Variants in SLCO5A1 observed in about 807,000 individuals in gnomAD.
SLCO5A1 encodes the protein solute carrier organic anion transporter family member 5A1.
SLCO5A1 carries 39 observed loss-of-function variants against 65.1 expected under a neutral mutation model. The observed-to-expected ratio is 0.60, with a 90% CI of 0.46 to 0.78. The LOEUF (loss-of-function observed/expected upper bound fraction) is 0.78. Ranked by LOEUF, SLCO5A1 falls within the 30% of genes least tolerant of loss-of-function variation. The probability of loss-of-function intolerance (pLI) is 0.00; values close to 1 mark genes in which losing one functional copy is unlikely to be tolerated. For synonymous variants in SLCO5A1, 438 were observed against 415.7 expected (o/e 1.05, Z -0.65); for missense variants, 1,029 against 1,069.4 (o/e 0.96, Z 0.53).
intron 5 of SLCO5A1, among the ~76,000 whole-genome samples, chr8:69,709,756 T>A (rs2933047): frequency 0.6 from 90,852 of 151,560 alleles, 27,400 homozygotes; most frequent in South Asian, 0.72. Context: ...AGAATTTTAA[T>A]TGTGGCCAAG....
chr8:69,705,093 G>T lies in SLCO5A1; in HGVS notation c.1560C>A (p.Thr520=). 6.2e-7 allele frequency: 1 copy of T among 1,613,998 alleles called. No individual in the cohort carries two copies. The highest frequency in any genetic ancestry group is 8.5e-7 in the Non-Finnish European group (1 of 1,180,026). The change falls in exon 6 of 10, where the codon ACC becomes ACA. Residue 520 remains threonine (T), a synonymous_variant. Coordinates refer to ENST00000260126, the MANE Select transcript of SLCO5A1 (RefSeq NM_030958.3). ...CSGVSLLCFS[T]LFIVGCESIN... is the part of the protein sequence containing the mutation. ...TGCTTTCACATCCAACAATAAATAG[G>T]GTTGAAAAACATAGTAAAGACACAC...
chr8:69,814,551 C>T (rs768064296), intron 2 of SLCO5A1, among the ~76,000 whole-genome samples: 24 of 152,116 alleles, frequency 1.6e-4, no homozygotes, highest in Non-Finnish European at 3.2e-4. Context: ...TTGTACACTG[C>T]TAATGGAATG....
intron 9 of SLCO5A1, among the ~76,000 whole-genome samples, chr8:69,675,467 C>T (rs934612961): frequency 4.6e-5 from 7 of 152,128 alleles, no homozygotes; most frequent in Middle Eastern, 3.2e-3. Context: ...TTAGCCACTG[C>T]ACCCGGCCTA....
At chr8:69,780,251 C>T (rs1388836953) in intron 2 of SLCO5A1, among the ~76,000 whole-genome samples, 3 of 152,106 alleles carry the variant, frequency 2.0e-5, no homozygotes, top group East Asian at 3.9e-4. Flanking sequence ...GGAGATTTCT[C>T]AAAGAATTAA....
intron 5 of SLCO5A1, among the ~76,000 whole-genome samples, chr8:69,724,361 G>A (rs903232690): frequency 2.0e-5 from 3 of 152,140 alleles, no homozygotes; most frequent in Non-Finnish European, 4.4e-5. Context: ...TAAGGGAAGT[G>A]TGCACCTACA....
At position 69,755,486 on chromosome 8, in the gene SLCO5A1, G is replaced by A. The variant is rs756049926; in HGVS notation, c.1196C>T (p.Ser399Leu). The change falls in exon 4 of 10, where the codon TCA becomes TTA. Residue 399 changes from serine (S) to leucine (L), a missense_variant. Coordinates refer to ENST00000260126, the MANE Select transcript of SLCO5A1 (RefSeq NM_030958.3). The part of the protein sequence containing the change: ...VSDDDVLKEK[S>L]NNSEQADKKV... ...TTTGTCCGCTTGTTCACTGTTGTTT[G>A]ATTTCTCCTTCAGAACATCGTCATC... is the stretch of plus-strand genomic sequence containing the variant. 15 of 1,613,870 alleles carry A rather than the reference G, an allele frequency of 9.3e-6. No individual in the cohort carries two copies. Among genetic ancestry groups the A allele is most frequent in the Non-Finnish European group, 3.4e-6 (4 of 1,179,984 alleles).
At chr8:69,737,810 C>A (rs964912630) in intron 5 of SLCO5A1, among the ~76,000 whole-genome samples, 2 of 152,102 alleles carry the variant, frequency 1.3e-5, no homozygotes, top group Non-Finnish European at 2.9e-5. Flanking sequence ...TATAAATATG[C>A]AAAATTCTCT....
At chr8:69,728,705 AAC>A (rs898423297) in intron 5 of SLCO5A1, among the ~76,000 whole-genome samples, 9 of 152,170 alleles carry the variant, frequency 5.9e-5, no homozygotes, top group African/African-American at 2.2e-4. Flanking sequence ...CATACATACA[AAC>A]ACACACACAC....
At chr8:69,829,557 A>T (rs1419233912) in intron 2 of SLCO5A1, among the ~76,000 whole-genome samples, 4 of 152,182 alleles carry the variant, frequency 2.6e-5, no homozygotes, top group Non-Finnish European at 5.9e-5. Flanking sequence ...ACAGGTCTCT[A>T]GTCCCAGCTA....
At position 69,761,737 on chromosome 8, in the gene SLCO5A1, A is replaced by T. The variant is rs757181515; in HGVS notation, c.1040+6T>A. 2 of 1,612,566 alleles carry T rather than the reference A, an allele frequency of 1.2e-6. No individual in the cohort carries two copies. The highest frequency in any genetic ancestry group is 8.5e-7 in the Non-Finnish European group (1 of 1,179,710). On this transcript the variant is annotated splice_donor_region_variant and intron_variant, in intron 3 of 9. Transcript: ENST00000260126. ...TGAAATTTAAAAATTAGAAAACAGAACTTACCAGTTTCCAATGAAACGAGG... is the reference window on the plus strand; with the variant it reads ...TGAAATTTAAAAATTAGAAAACAGATCTTACCAGTTTCCAATGAAACGAGG...
At chr8:69,736,264 A>T (rs1463138649) in intron 5 of SLCO5A1, among the ~76,000 whole-genome samples, 1 of 152,210 alleles carries the variant, frequency 6.6e-6, no homozygotes, top group Non-Finnish European at 1.5e-5. Context: ...CCGTCACCCC[A>T]GCTCCAACTG....
intron 2 of SLCO5A1, among the ~76,000 whole-genome samples, chr8:69,792,898 A>G (rs1819330904): frequency 6.6e-6 from 1 of 152,112 alleles, no homozygotes; most frequent in Non-Finnish European, 1.5e-5. Flanking sequence ...AAAAAATCAT[A>G]GTAAATATAC....
Position 69,708,619 on chromosome 8 carries a change from G to A in SLCO5A1, c.1424-3390C>T, listed in dbSNP as rs376041778. On this transcript the variant is annotated intron_variant, in intron 5 of 9. Coordinates refer to ENST00000260126, the MANE Select transcript of SLCO5A1 (RefSeq NM_030958.3). ...CAACTGTGCCATAGAAAACCAAGGAGAGAGGACAGGCATGGGGCTCATGCC... is the reference window on the plus strand; with the variant it reads ...CAACTGTGCCATAGAAAACCAAGGAAAGAGGACAGGCATGGGGCTCATGCC... Among the ~76,000 whole-genome samples the A allele has an allele frequency of 2.6e-5, 4 of 151,946 alleles. No homozygotes were observed. The East Asian group carries it at 7.8e-4, about 30-fold the overall frequency.
At chr8:69,823,741 C>A (rs557776039) in intron 2 of SLCO5A1, among the ~76,000 whole-genome samples, 63 of 152,204 alleles carry the variant, frequency 4.1e-4, no homozygotes, top group Non-Finnish European at 7.2e-4. Context: ...AATAAGGATA[C>A]CCAGGAATTG....
intron 5 of SLCO5A1, among the ~76,000 whole-genome samples, chr8:69,715,873 T>A (rs548022587): frequency 1.3e-5 from 2 of 152,304 alleles, no homozygotes; most frequent in Non-Finnish European, 2.9e-5. Context: ...GTGTACAGTT[T>A]AATGTTTTTA....
chr8:69,678,866 T>G (rs182450875), intron 8 of SLCO5A1, among the ~76,000 whole-genome samples: 4 of 151,886 alleles, frequency 2.6e-5, no homozygotes, highest in Admixed American at 2.0e-4. Context: ...CTCTGAAATT[T>G]TATATGATAG....
chr8:69,733,796 C>T (rs1253020065), intron 5 of SLCO5A1, among the ~76,000 whole-genome samples: 6 of 152,212 alleles, frequency 3.9e-5, no homozygotes, highest in African/African-American at 1.4e-4. Context: ...GCTTCCCCAG[C>T]CATGCAGAAC....
At position 69,729,688 on chromosome 8, in the gene SLCO5A1, A is replaced by AAG. The variant is rs144843428; in HGVS notation, c.1423+8350_1423+8351dup. Among the ~76,000 whole-genome samples, 26 of 150,708 alleles carry AAG rather than the reference A, an allele frequency of 1.7e-4. 1 individual carries two copies. In the East Asian group the frequency reaches 1.9e-3, roughly 11 times the overall value. On this transcript the variant is annotated intron_variant, in intron 5 of 9. Coordinates refer to ENST00000260126, the MANE Select transcript of SLCO5A1 (RefSeq NM_030958.3). Reference sequence around the variant, plus strand: ...TGGCGAACTGATTTGGAATAATTCAAAGAGAGAGAGAGAGAGCGTGTGTGT... The same window carrying AAG: ...TGGCGAACTGATTTGGAATAATTCAAAGAGAGAGAGAGAGAGAGCGTGTGTGT...
intron 2 of SLCO5A1, among the ~76,000 whole-genome samples, chr8:69,830,458 G>T (rs1391378050): frequency 1.3e-5 from 2 of 152,074 alleles, no homozygotes; most frequent in African/African-American, 4.8e-5. Flanking sequence ...CTCCCGAGTA[G>T]CTGGGACTAC....
Sources: gnomAD v4.1 joint callset for allele counts (sites outside exome capture counted in the v4.1 genomes callset) on GRCh38, gnomAD v4.1.1 for gene constraint, MANE v1.5 for transcripts, NCBI Gene and HGNC (gene_info 2026-07-23, HGNC 2026-07-21) for gene names.